Variants in SPAG9 observed in about 807,000 individuals in gnomAD.
SPAG9 encodes the protein C-Jun-amino-terminal kinase-interacting protein 4.
In SPAG9, 35 loss-of-function variants were observed where a neutral mutation model predicts 166.5. The ratio of observed to expected loss-of-function variants is 0.21; its 90% confidence interval spans 0.16 to 0.28. The LOEUF (loss-of-function observed/expected upper bound fraction) is 0.28. Among genes scored for constraint, SPAG9 ranks in the 10% least tolerant of loss-of-function variants. SPAG9 has a pLI of 1.00. For synonymous variants in SPAG9, 534 were observed against 565.5 expected (o/e 0.94, Z 0.79); for missense variants, 1,235 against 1,603.3 (o/e 0.77, Z 3.92).
chr17:51,058,710 A>G (rs997448868), intron 2 of SPAG9, among the ~76,000 whole-genome samples: 6 of 152,338 alleles, frequency 3.9e-5, no homozygotes, highest in African/African-American at 1.4e-4. Context: ...GGAGATGCAC[A>G]TTAAAACCAA....
chr17:51,061,022 A>G (rs1049274539), intron 2 of SPAG9, among the ~76,000 whole-genome samples: 1 of 150,948 alleles, frequency 6.6e-6, no homozygotes, highest in Non-Finnish European at 1.5e-5. Context: ...TAATTTTTGT[A>G]TTTTTAGTAG....
At chr17:51,111,648 G>C (rs1298208340) in intron 1 of SPAG9, among the ~76,000 whole-genome samples, 1 of 152,042 alleles carries the variant, frequency 6.6e-6, no homozygotes, top group Non-Finnish European at 1.5e-5. Context: ...TGTAGCTCAG[G>C]CTGGAGTTCA....
Position 51,006,183 on chromosome 17 carries a change from G to A in SPAG9, c.1326C>T (p.Thr442=), listed in dbSNP as rs1242942900. 1.9e-6 allele frequency: 3 copies of A among 1,614,022 alleles called. No individual in the cohort carries two copies. Among genetic ancestry groups the A allele is most frequent in the Non-Finnish European group, 1.7e-6 (2 of 1,180,000 alleles). The change falls in exon 11 of 30, where the codon ACC becomes ACT. Residue 442 remains threonine (T), a synonymous_variant. Coordinates refer to ENST00000262013, the MANE Select transcript of SPAG9 (RefSeq NM_001130528.3). The stretch of plus-strand genomic sequence containing the variant: ...CCCCTTGCAGCACATCTTTCTCACA[G>A]GTCAGTTCATCCACTTTTGCTATCA... The part of the protein sequence containing the change: ...NDLIAKVDEL[T]CEKDVLQGEL...
At chr17:50,977,276 C>A in intron 26 of SPAG9, 55 bp from the exon 27 acceptor site, 1 of 1,077,638 alleles carries the variant, frequency 9.3e-7, no homozygotes, top group African/African-American at 1.6e-5. Flanking sequence ...CAGTGTTTTA[C>A]ATTCCAAGTT....
At chr17:51,073,985 CCAG>C (rs1306147305) in intron 2 of SPAG9, among the ~76,000 whole-genome samples, 2 of 152,184 alleles carry the variant, frequency 1.3e-5, no homozygotes, top group East Asian at 3.9e-4. Flanking sequence ...GCCTGTAATC[CCAG>C]CACTTTGGGA....
At chr17:51,079,793 T>A in intron 1 of SPAG9, 89 bp from the exon 2 acceptor site, 1 of 895,008 alleles carries the variant, frequency 1.1e-6, no homozygotes, top group South Asian at 1.7e-5. Context: ...ATAATCACAA[T>A]TAGGTATTAA....
At chr17:51,077,025 G>GCTATCTAGCTAGCTAGCTAT (rs2048007576) in intron 2 of SPAG9, among the ~76,000 whole-genome samples, 4 of 86,754 alleles carry the variant, frequency 4.6e-5, no homozygotes, top group African/African-American at 1.9e-4. Context: ...TAGCTATCTA[G>GCTATCTAGCTAGCTAGCTAT]CTATCTATCT....
At chr17:51,037,280 AT>A (rs1311554354) in intron 5 of SPAG9, among the ~76,000 whole-genome samples, 2 of 151,994 alleles carry the variant, frequency 1.3e-5, no homozygotes, top group African/African-American at 4.8e-5. Context: ...ATTTTTAAAT[AT>A]TTTGTAGAGA....
In SPAG9 at chr17:50,994,998, A is replaced by G. The variant is rs528309454; in HGVS notation, c.2226+59T>C. ...AGCTGGACCCAGAGGCAAATTTTGGATGAAAGAGTTAAACTCATAGTCTCA... is the reference window on the plus strand; with the variant it reads ...AGCTGGACCCAGAGGCAAATTTTGGGTGAAAGAGTTAAACTCATAGTCTCA... On this transcript the variant is annotated intron_variant, in intron 18 of 29. Coordinates refer to ENST00000262013, the MANE Select transcript of SPAG9 (RefSeq NM_001130528.3). 8 of 1,388,010 alleles carry G rather than the reference A, an allele frequency of 5.8e-6. No homozygotes were observed. The South Asian group carries it at 1.1e-4, about 18-fold the overall frequency. 86.0% of individuals were successfully genotyped at this position (1,388,010 alleles called of 1,614,324 possible). A position where few individuals can be genotyped will look rare whatever the true frequency, so the allele number is the denominator to read the frequency against.
chr17:51,073,327 CA>C (rs924209184), intron 2 of SPAG9, among the ~76,000 whole-genome samples: 34 of 143,496 alleles, frequency 2.4e-4, no homozygotes, highest in Admixed American at 7.0e-4. Context: ...GACTCCGTCT[CA>C]AAAAAAAAAC....
chr17:51,003,469 A>C (rs978906268), intron 12 of SPAG9, among the ~76,000 whole-genome samples: 2 of 152,200 alleles, frequency 1.3e-5, no homozygotes, highest in South Asian at 4.1e-4. Flanking sequence ...ACCCAAGACC[A>C]GCATTAAGGG....
At chr17:51,029,072 C>A (rs1299427015) in intron 6 of SPAG9, among the ~76,000 whole-genome samples, 1 of 152,084 alleles carries the variant, frequency 6.6e-6, no homozygotes, top group Non-Finnish European at 1.5e-5. Flanking sequence ...TAGGGAACTG[C>A]CACATCATAG....
intron 24 of SPAG9, among the ~76,000 whole-genome samples, chr17:50,984,671 G>GCT (rs764410705): frequency 6.6e-5 from 10 of 152,278 alleles, no homozygotes; most frequent in Non-Finnish European, 1.5e-4. Flanking sequence ...GGGCGACAGA[G>GCT]CGAGACTCTG....
chr17:50,968,831 C>G (rs1597869153), intron 29 of SPAG9, among the ~76,000 whole-genome samples: 1 of 152,208 alleles, frequency 6.6e-6, no homozygotes, highest in African/African-American at 2.4e-5. Context: ...TCCATGTTTT[C>G]TTTGTACCTC....
At chr17:50,984,145 A>T (rs1001926899) in intron 24 of SPAG9, among the ~76,000 whole-genome samples, 1 of 152,190 alleles carries the variant, frequency 6.6e-6, no homozygotes, top group Non-Finnish European at 1.5e-5. Flanking sequence ...CCTCAACTTA[A>T]TTCATTTAAG....
At chr17:51,066,789 G>A (rs2047683832) in intron 2 of SPAG9, among the ~76,000 whole-genome samples, 1 of 152,014 alleles carries the variant, frequency 6.6e-6, no homozygotes, top group South Asian at 2.1e-4. Flanking sequence ...CTACTAGGGA[G>A]GCTGAGGCAG....
chr17:51,070,783 G>T (rs2047800515), intron 2 of SPAG9, among the ~76,000 whole-genome samples: 1 of 152,008 alleles, frequency 6.6e-6, no homozygotes, highest in Non-Finnish European at 1.5e-5. Context: ...TCTGTTTCTG[G>T]GCTGCCATGG....
chr17:50,979,604 T>C (rs1357027291), intron 26 of SPAG9, 142 bp downstream of exon 26: 6 of 711,776 alleles, frequency 8.4e-6, no homozygotes, highest in Non-Finnish European at 1.4e-5. Flanking sequence ...TTCAAGGCTA[T>C]AGTGTGCTAT....
intron 1 of SPAG9, among the ~76,000 whole-genome samples, chr17:51,083,543 T>TTTTATTTATTTATTTATTTA (rs71149341): frequency 3.1e-4 from 44 of 141,182 alleles, no homozygotes; most frequent in African/African-American, 9.4e-4. Context: ...AGCCTCTTTA[T>TTTTATTTATTTATTTATTTA]TTTATTTATT....
Sources: allele counts gnomAD v4.1 joint callset (sites outside exome capture counted in the v4.1 genomes callset), GRCh38; gene constraint gnomAD v4.1.1; transcripts MANE v1.5; gene names NCBI Gene and HGNC (gene_info 2026-07-23, HGNC 2026-07-21).